Variants in NFE2L3 observed in about 807,000 individuals in gnomAD.
NFE2L3 encodes the protein nuclear factor erythroid 2-related factor 3.
A neutral mutation model predicts 23.5 loss-of-function variants in NFE2L3; 18 were observed. The observed-to-expected ratio is 0.77, with a 90% CI of 0.53 to 1.13. The LOEUF is 1.13. NFE2L3 is among the 50% of genes most tolerant of loss of function. The pLI is 0.00. For synonymous variants in NFE2L3, 424 were observed against 354.5 expected (o/e 1.20, Z -2.20); for missense variants, 1,152 against 877.2 (o/e 1.31, Z -3.96).
chr7:26,172,765 G>A (rs1784344934), intron 1 of NFE2L3, among the ~76,000 whole-genome samples: 2 of 152,210 alleles, frequency 1.3e-5, no homozygotes, highest in Admixed American at 6.5e-5. Context: ...CATATCAGGA[G>A]ACCACGATGT....
intron 1 of NFE2L3, among the ~76,000 whole-genome samples, chr7:26,154,575 G>A (rs1784052629): frequency 6.6e-6 from 1 of 152,174 alleles, no homozygotes; most frequent in South Asian, 2.1e-4. Flanking sequence ...TTTAAAGACA[G>A]GGTCTTGCTC....
chr7:26,180,237 A>G (rs1349101055), intron 2 of NFE2L3, among the ~76,000 whole-genome samples: 1 of 152,168 alleles, frequency 6.6e-6, no homozygotes, highest in African/African-American at 2.4e-5. Flanking sequence ...CCTTTTTGAC[A>G]TTCTTCAGAT....
intron 1 of NFE2L3, among the ~76,000 whole-genome samples, chr7:26,177,552 A>T (rs1289362246): frequency 2.6e-5 from 4 of 152,214 alleles, no homozygotes; most frequent in African/African-American, 9.6e-5. Context: ...AGCCAAGATC[A>T]CGGCAGTAGA....
At chr7:26,183,096 T>A (rs930149816) in intron 2 of NFE2L3, among the ~76,000 whole-genome samples, 1 of 151,818 alleles carries the variant, frequency 6.6e-6, no homozygotes, top group Non-Finnish European at 1.5e-5. Context: ...CAAAATTATA[T>A]AATTGTGTAA....
intron 1 of NFE2L3, among the ~76,000 whole-genome samples, chr7:26,154,346 A>G (rs753954463): frequency 2.0e-5 from 3 of 152,270 alleles, no homozygotes; most frequent in Non-Finnish European, 4.4e-5. Context: ...CTTGTGCACT[A>G]CCACCATTCC....
At chr7:26,160,214 C>T (rs1302037829) in intron 1 of NFE2L3, among the ~76,000 whole-genome samples, 1 of 152,132 alleles carries the variant, frequency 6.6e-6, no homozygotes, top group Non-Finnish European at 1.5e-5. Context: ...TGCCTCTCCT[C>T]CTAAAGTGCT....
intron 1 of NFE2L3, among the ~76,000 whole-genome samples, chr7:26,167,224 T>C (rs752441463): frequency 7.2e-5 from 11 of 152,110 alleles, no homozygotes; most frequent in Non-Finnish European, 1.5e-4. Context: ...TTACAGCCAG[T>C]AGGAAAGAAA....
intron 1 of NFE2L3, among the ~76,000 whole-genome samples, chr7:26,168,064 T>C (rs973252154): frequency 6.6e-6 from 1 of 151,826 alleles, no homozygotes; most frequent in African/African-American, 2.4e-5. Context: ...TTTGTAGTCT[T>C]TTATCCCTCA....
chr7:26,185,230 C>T lies in NFE2L3; in HGVS notation c.1532C>T (p.Ser511Phe). The change falls in exon 4 of 4, where the codon TCT (serine) becomes TTT (phenylalanine). Residue 511 changes from serine (S) to phenylalanine (F), a missense_variant. Transcript: ENST00000056233. The stretch of plus-strand genomic sequence containing the variant: ...CAGCCAACTGCACCAGAATCTACTT[C>T]TGAACCTTTTCCGTGGCCTGGGAAG... ...HLQPTAPESTSEPFPWPGKSQ... is the reference protein window; with the variant it reads ...HLQPTAPESTFEPFPWPGKSQ... 1 of 1,613,436 alleles carries T rather than the reference C, an allele frequency of 6.2e-7. No homozygotes were observed. Among genetic ancestry groups the T allele is most frequent in the East Asian group, 2.3e-5 (1 of 44,438 alleles).
Position 26,185,743 on chromosome 7 carries a change from C to G in NFE2L3, c.2045C>G (p.Ser682Ter). The G allele has an allele frequency of 6.3e-7, 1 of 1,588,800 alleles. No homozygotes were observed. The highest frequency in any genetic ancestry group is 1.4e-5 in the African/African-American group (1 of 73,060). Residue 682 changes from serine to a stop codon, truncating the protein, a stop_gained, in exon 4 of 4, where the codon TCA (serine) becomes TGA (stop). Coordinates refer to ENST00000056233, the MANE Select transcript of NFE2L3 (RefSeq NM_004289.7). LOFTEE classifies it high-confidence loss of function. ...ILIVPKELVASGHKKETQKGK... is the reference protein window; with the variant it reads ...ILIVPKELVA Reference sequence around the variant, plus strand: ...ATAGTACCCAAAGAACTGGTGGCCTCAGGCCACAAAAAGGAAACCCAAAAG... The same window carrying G: ...ATAGTACCCAAAGAACTGGTGGCCTGAGGCCACAAAAAGGAAACCCAAAAG...
In NFE2L3 at chr7:26,184,877, C is replaced by G; in HGVS notation, c.1179C>G (p.Asn393Lys). 1 of 1,613,822 alleles carries G rather than the reference C, an allele frequency of 6.2e-7. No homozygotes were observed. The highest frequency in any genetic ancestry group is 1.1e-5 in the South Asian group (1 of 91,058). Reference sequence around the variant, plus strand: ...ACATAAATATATTTGATGAGATAAACTTAATGTCATTGGCCACAGAAGACA... The same window carrying G: ...ACATAAATATATTTGATGAGATAAAGTTAATGTCATTGGCCACAGAAGACA... ...DLDINIFDEI[N>K]LMSLATEDNF... Residue 393 changes from asparagine (N) to lysine (K), a missense_variant, in exon 4 of 4, where the codon AAC becomes AAG. Asn to Lys is a moderately conservative substitution (Grantham distance 94). Coordinates refer to ENST00000056233, the MANE Select transcript of NFE2L3 (RefSeq NM_004289.7).
intron 1 of NFE2L3, among the ~76,000 whole-genome samples, chr7:26,162,347 G>C (rs1784185367): frequency 6.6e-6 from 1 of 152,096 alleles, no homozygotes; most frequent in Non-Finnish European, 1.5e-5. Flanking sequence ...AAGAAGAATT[G>C]AGTGGGGAGG....
intron 1 of NFE2L3, among the ~76,000 whole-genome samples, chr7:26,156,454 A>G (rs113511758): frequency 2.6e-5 from 4 of 152,306 alleles, no homozygotes; most frequent in African/African-American, 7.2e-5. Context: ...GGATTTTCCA[A>G]GTATCAAAAG....
At chr7:26,179,936 G>A (rs1318876938) in intron 2 of NFE2L3, among the ~76,000 whole-genome samples, 3 of 152,128 alleles carry the variant, frequency 2.0e-5, no homozygotes, top group Non-Finnish European at 4.4e-5. Context: ...ACAGCTGGGA[G>A]TCTTCCTCTT....
chr7:26,161,882 C>A (rs1233682297), intron 1 of NFE2L3, among the ~76,000 whole-genome samples: 1 of 152,104 alleles, frequency 6.6e-6, no homozygotes. Context: ...GTGGCTCTTG[C>A]CTGTAATCCC....
intron 2 of NFE2L3, among the ~76,000 whole-genome samples, chr7:26,181,716 TC>T (rs1404864303): frequency 6.6e-6 from 1 of 152,136 alleles, no homozygotes; most frequent in Non-Finnish European, 1.5e-5. Flanking sequence ...TGAAAAAGAC[TC>T]TAAATCAGTG....
intron 3 of NFE2L3, chr7:26,184,183 T>G: frequency 6.0e-6 from 2 of 335,350 alleles, no homozygotes; most frequent in South Asian, 4.2e-5. Flanking sequence ...TCACTGTAGT[T>G]TATTATCCCT....
At chr7:26,182,874 G>C (rs1032964222) in intron 2 of NFE2L3, among the ~76,000 whole-genome samples, 19 of 152,186 alleles carry the variant, frequency 1.2e-4, no homozygotes, top group Non-Finnish European at 2.6e-4. Flanking sequence ...ACTCACTGCA[G>C]CCTCAACCTC....
intron 1 of NFE2L3, among the ~76,000 whole-genome samples, chr7:26,175,652 A>AC (rs1396631783): frequency 6.7e-6 from 1 of 150,240 alleles, no homozygotes; most frequent in Non-Finnish European, 1.5e-5. Flanking sequence ...GGTGCCGGGC[A>AC]CCTGTAGTCC....
Sources: allele counts gnomAD v4.1 joint callset (sites outside exome capture counted in the v4.1 genomes callset), GRCh38; gene constraint gnomAD v4.1.1; transcripts MANE v1.5; gene names NCBI Gene and HGNC (gene_info 2026-07-23, HGNC 2026-07-21).